RASGEF1C: variants seen among roughly 807,000 people sequenced by gnomAD.
RASGEF1C encodes ras-GEF domain-containing family member 1C.
RASGEF1C carries 27 observed loss-of-function variants against 58.1 expected under a neutral mutation model. That is an observed-to-expected ratio of 0.46 (90% CI 0.34 to 0.64). The LOEUF is 0.64. RASGEF1C is among the 30% of genes least tolerant of loss of function. RASGEF1C has a pLI of 0.01. For missense variants in RASGEF1C, 502 were observed against 605.1 expected (o/e 0.83, Z 1.79); for synonymous variants, 243 against 246.3 (o/e 0.99, Z 0.13).
intron 12 of RASGEF1C, among the ~76,000 whole-genome samples, chr5:180,103,167 TC>T (rs1311882082): frequency 1.3e-5 from 2 of 152,162 alleles, no homozygotes; most frequent in African/African-American, 4.8e-5. Flanking sequence ...AAGCTCTGCC[TC>T]CCGGGTTCAC....
rs760031898 is a variant in RASGEF1C at position 180,118,641 on chromosome 5, G to C, written c.1051C>G (p.Arg351Gly). 6.2e-7 allele frequency: 1 copy of C among 1,613,592 alleles called. No homozygotes were observed. Among genetic ancestry groups the C allele is most frequent in the Non-Finnish European group, 8.5e-7 (1 of 1,179,718 alleles). The change falls in exon 10 of 14, where the codon CGC becomes GGC. Residue 351 changes from arginine (R) to glycine (G), a missense_variant. Coordinates refer to ENST00000361132, the MANE Select transcript of RASGEF1C (RefSeq NM_175062.4). The part of the protein sequence containing the change: ...YRTALRGAAH[R>G]SLTAHSSREK... ...CGGCTGCTGTGGGCCGTCAGGGAGC[G>C]GTGGGCCGCCCCGCGCAGGGCTGTC...
At chr5:180,171,253 T>C (rs1359054550) in intron 1 of RASGEF1C, among the ~76,000 whole-genome samples, 2 of 151,934 alleles carry the variant, frequency 1.3e-5, no homozygotes, top group East Asian at 3.9e-4. Flanking sequence ...GACTTTCTGC[T>C]TGGGAGGATC....
intron 1 of RASGEF1C, among the ~76,000 whole-genome samples, chr5:180,191,946 T>C (rs1023157952): frequency 1.3e-5 from 2 of 152,122 alleles, no homozygotes; most frequent in Non-Finnish European, 2.9e-5. Context: ...TTGGCAGCAT[T>C]CGTTTTCTTC....
intron 1 of RASGEF1C, among the ~76,000 whole-genome samples, chr5:180,149,634 T>G (rs1410017479): frequency 6.6e-6 from 1 of 151,438 alleles, no homozygotes; most frequent in African/African-American, 2.4e-5. Context: ...TTTTGTATTT[T>G]TAGTAGAGAT....
chr5:180,163,463 T>C (rs1766977087), intron 1 of RASGEF1C, among the ~76,000 whole-genome samples: 1 of 152,020 alleles, frequency 6.6e-6, no homozygotes, highest in African/African-American at 2.4e-5. Flanking sequence ...CACGAATGGA[T>C]GTTAAATTTC....
At chr5:180,178,992 G>GC (rs1213687612) in intron 1 of RASGEF1C, among the ~76,000 whole-genome samples, 2 of 152,108 alleles carry the variant, frequency 1.3e-5, no homozygotes, top group African/African-American at 4.8e-5. Flanking sequence ...GATGAGGGAG[G>GC]CCCCCGGCCA....
At chr5:180,195,880 T>C (rs976846651) in intron 1 of RASGEF1C, among the ~76,000 whole-genome samples, 1 of 152,118 alleles carries the variant, frequency 6.6e-6, no homozygotes, top group Admixed American at 6.5e-5. Context: ...CCACAGATCC[T>C]CCCCGTCCAG....
intron 1 of RASGEF1C, among the ~76,000 whole-genome samples, chr5:180,147,017 A>T (rs1163263069): frequency 6.6e-6 from 1 of 151,098 alleles, no homozygotes; most frequent in South Asian, 2.1e-4. Flanking sequence ...ACGGTTTCTA[A>T]TTTTTTTTTC....
At chr5:180,109,347 A>C (rs1001206449) in intron 12 of RASGEF1C, among the ~76,000 whole-genome samples, 7 of 151,864 alleles carry the variant, frequency 4.6e-5, no homozygotes, top group African/African-American at 1.7e-4. Flanking sequence ...AGTCCCAGCT[A>C]CTCGGGAGGC....
chr5:180,208,288 A>T (rs1010618436), intron 1 of RASGEF1C, among the ~76,000 whole-genome samples: 3 of 151,942 alleles, frequency 2.0e-5, no homozygotes, highest in African/African-American at 7.3e-5. Flanking sequence ...GAGGCAGGAG[A>T]TACGGGCCCG....
intron 6 of RASGEF1C, among the ~76,000 whole-genome samples, chr5:180,121,446 TG>T (rs1173442211): frequency 2.6e-5 from 4 of 151,858 alleles, no homozygotes; most frequent in African/African-American, 9.7e-5. Context: ...CCCGAGTAGG[TG>T]GGACTACAGG....
chr5:180,148,999 G>GT lies in RASGEF1C; in HGVS notation c.-6-10942dup, dbSNP rs200837316. Among the ~76,000 whole-genome samples the GT allele has an allele frequency of 4.1e-4, 62 of 151,384 alleles. No homozygotes were observed. The South Asian group carries it at 9.0e-3, about 22-fold the overall frequency. Reference sequence around the variant, plus strand: ...CATACATAGGATTCTTGGTTGACAGGTTTTTTTACTTTCAGCATTTTGAAT... The same window carrying GT: ...CATACATAGGATTCTTGGTTGACAGGTTTTTTTTACTTTCAGCATTTTGAAT... On this transcript the variant is annotated intron_variant, in intron 1 of 13. Coordinates refer to ENST00000361132, the MANE Select transcript of RASGEF1C (RefSeq NM_175062.4).
rs1433855608 is a variant in RASGEF1C at position 180,209,036 on chromosome 5, G to T, written c.-15C>A. 5 of 146,014 alleles carry T rather than the reference G, an allele frequency of 3.4e-5. No individual in the cohort carries two copies. Among genetic ancestry groups the T allele is most frequent in the African/African-American group, 1.2e-4 (5 of 40,480 alleles). 9.0% of individuals were successfully genotyped at this position (146,014 alleles called of 1,614,324 possible). A position where few individuals can be genotyped will look rare whatever the true frequency, so the allele number is the denominator to read the frequency against. ...GGCCGCGCACCACTCACCGGCTCCCGGCGCGCCGGAACTCCGGGCCCGGCC... is the reference window on the plus strand; with the variant it reads ...GGCCGCGCACCACTCACCGGCTCCCTGCGCGCCGGAACTCCGGGCCCGGCC... On this transcript the variant is annotated 5_prime_UTR_variant, in exon 1 of 14. Coordinates refer to ENST00000361132, the MANE Select transcript of RASGEF1C (RefSeq NM_175062.4).
chr5:180,160,282 C>T (rs937189020), intron 1 of RASGEF1C, among the ~76,000 whole-genome samples: 31 of 152,300 alleles, frequency 2.0e-4, no homozygotes, highest in African/African-American at 7.2e-4. Flanking sequence ...CTCCAGGGTC[C>T]GAGTCAAGGC....
rs549509908 is a variant in RASGEF1C at position 180,198,454 on chromosome 5, C to A, written c.-7+10574G>T. Among the ~76,000 whole-genome samples, 20 of 152,266 alleles carry A rather than the reference C, an allele frequency of 1.3e-4. 1 individual carries two copies. Among genetic ancestry groups the A allele is most frequent in the Admixed American group, 8.5e-4 (13 of 15,296 alleles). On this transcript the variant is annotated intron_variant, in intron 1 of 13. Transcript: ENST00000361132. This position sits in a 1 kb window ranked among gnomAD's most constrained non-coding sequence, Gnocchi z 4.5. The stretch of plus-strand genomic sequence containing the variant: ...CTGTTTCTGCTGCTATAACAAAATA[C>A]CTGAGGCTGGATAATTTATAAGTAG...
At chr5:180,114,878 G>T (rs907257884) in intron 10 of RASGEF1C, among the ~76,000 whole-genome samples, 13 of 152,360 alleles carry the variant, frequency 8.5e-5, no homozygotes, top group Admixed American at 8.5e-4. Flanking sequence ...TGCCTTCTGG[G>T]AGGGGCTGGT....
chr5:180,189,923 CAAAAAAAAAAAA>C (rs71001085), intron 1 of RASGEF1C, among the ~76,000 whole-genome samples: 2 of 37,188 alleles, frequency 5.4e-5, no homozygotes, highest in South Asian at 1.7e-3. Flanking sequence ...AACTCCATCT[CAAAAAAAAAAAA>C]AAAAAAAAAA....
In RASGEF1C at chr5:180,128,499, T is replaced by A. The variant is rs1278672998; in HGVS notation, c.550A>T (p.Thr184Ser). The change falls in exon 5 of 14, where the codon ACC becomes TCC. Residue 184 changes from threonine to serine, a missense_variant. Thr to Ser is a moderately conservative substitution (Grantham distance 58, BLOSUM62 1). Transcript: ENST00000361132. ...CTGTGGATGGAGGCTGGTGGCTTGGTCCTGTAGGAGATGGGCTTGTCGGCA... is the reference window on the plus strand; with the variant it reads ...CTGTGGATGGAGGCTGGTGGCTTGGACCTGTAGGAGATGGGCTTGTCGGCA... ...VGADKPISYR[T>S]KPPASIHREL... 17 of 1,614,124 alleles carry A rather than the reference T, an allele frequency of 1.1e-5. No homozygotes were observed. The highest frequency in any genetic ancestry group is 1.4e-5 in the Non-Finnish European group (17 of 1,180,028).
intron 1 of RASGEF1C, among the ~76,000 whole-genome samples, chr5:180,142,408 A>C (rs1296327228): frequency 6.6e-6 from 1 of 152,204 alleles, no homozygotes; most frequent in African/African-American, 2.4e-5. Context: ...GATTTGGCTC[A>C]ATGTACCAAG....
Sources: gnomAD v4.1 joint callset for allele counts (sites outside exome capture counted in the v4.1 genomes callset) on GRCh38, gnomAD v4.1.1 for gene constraint, Gnocchi (gnomAD v3.1) non-coding constraint, MANE v1.5 for transcripts, NCBI Gene and HGNC (gene_info 2026-07-23, HGNC 2026-07-21) for gene names.